IFI16: variants seen among roughly 807,000 people sequenced by gnomAD.
IFI16 encodes gamma-interferon-inducible protein 16.
IFI16 carries 49 observed loss-of-function variants against 68.4 expected under a neutral mutation model. The ratio of observed to expected loss-of-function variants is 0.72; its 90% confidence interval spans 0.57 to 0.91. IFI16 has a LOEUF of 0.91. Ranked by LOEUF, IFI16 falls within the 40% of genes least tolerant of loss-of-function variation. The pLI, the probability that IFI16 is intolerant of heterozygous loss-of-function variation, is 0.00. For missense variants in IFI16, 878 were observed against 942.9 expected, an observed-to-expected ratio of 0.93 and a Z score of 0.90; for synonymous variants, 307 against 315.0, an observed-to-expected ratio of 0.97 and a Z score of 0.27.
At chr1:159,018,762 C>T (rs2101824637) in intron 5 of IFI16, 111 bp downstream of exon 5, 3 of 755,978 alleles carry the variant, frequency 4.0e-6, no homozygotes, top group South Asian at 3.6e-5. Flanking sequence ...ATCCAGGACT[C>T]TGAAGACTAA....
chr1:159,023,134 G>A (rs901811772), intron 6 of IFI16, among the ~76,000 whole-genome samples: 37 of 151,946 alleles, frequency 2.4e-4, no homozygotes, highest in Non-Finnish European at 5.9e-5. Flanking sequence ...TTTATCCGCT[G>A]AACCAATGTT....
intron 11 of IFI16, 117 bp from the exon 12 acceptor site, chr1:159,054,704 A>G (rs1655571564): frequency 1.8e-6 from 1 of 559,354 alleles, no homozygotes; most frequent in Non-Finnish European, 3.3e-6. Context: ...AGAATCATTT[A>G]GAAAGGAATA....
upstream of IFI16, among the ~76,000 whole-genome samples, chr1:159,006,235 G>A (rs1231507971): frequency 6.6e-6 from 1 of 152,092 alleles, no homozygotes; most frequent in Admixed American, 6.5e-5. Flanking sequence ...AAATTCTCTC[G>A]GCCCCGAGGA....
At chr1:159,045,155 A>T (rs922359659) in intron 7 of IFI16, 142 bp from the exon 8 acceptor site, 12 of 568,102 alleles carry the variant, frequency 2.1e-5, no homozygotes, top group African/African-American at 5.7e-5. Context: ...ATGTGGTATT[A>T]TTCCTCCTGC....
intron 11 of IFI16, among the ~76,000 whole-genome samples, chr1:159,053,940 C>T (rs1655519426): frequency 6.6e-6 from 1 of 152,094 alleles, no homozygotes; most frequent in Non-Finnish European, 1.5e-5. Flanking sequence ...GGCCATGATA[C>T]CTAAGTTAAA....
upstream of IFI16, among the ~76,000 whole-genome samples, chr1:159,007,538 TA>T (rs1652304342): frequency 1.3e-5 from 2 of 152,248 alleles, no homozygotes; most frequent in Admixed American, 1.3e-4. Context: ...TTTTAGAAAA[TA>T]GCTTCAATTA....
chr1:159,004,701 A>C (rs1440558564), upstream of IFI16, among the ~76,000 whole-genome samples: 2 of 152,184 alleles, frequency 1.3e-5, no homozygotes, highest in Admixed American at 6.5e-5. Flanking sequence ...AAAAGAAAAA[A>C]AATTCCCAAA....
At chr1:159,054,647 A>T (rs565140982) in intron 11 of IFI16, among the ~76,000 whole-genome samples, 174 bp from the exon 12 acceptor site, 18 of 152,290 alleles carry the variant, frequency 1.2e-4, no homozygotes, top group Non-Finnish European at 2.1e-4. Context: ...GAGAGGCATG[A>T]CTCAAAGGTC....
upstream of IFI16, among the ~76,000 whole-genome samples, chr1:159,001,125 T>G (rs1221422374): frequency 6.6e-6 from 1 of 152,220 alleles, no homozygotes; most frequent in Non-Finnish European, 1.5e-5. Flanking sequence ...GCAATGTATA[T>G]AATTCAGAAT....
intron 6 of IFI16, among the ~76,000 whole-genome samples, chr1:159,030,027 A>G (rs1653906934): frequency 6.6e-6 from 1 of 151,940 alleles, no homozygotes; most frequent in Non-Finnish European, 1.5e-5. Context: ...TGTCAGATTG[A>G]GTTAATTCAC....
chr1:159,038,649 A>C (rs1390449206), intron 7 of IFI16, among the ~76,000 whole-genome samples: 4 of 152,190 alleles, frequency 2.6e-5, no homozygotes, highest in Admixed American at 1.3e-4. Flanking sequence ...TTACATGCAC[A>C]AGCCACTGCA....
chr1:159,034,348 C>T (rs1417801), intron 7 of IFI16, among the ~76,000 whole-genome samples: 150,365 of 152,316 alleles, frequency 0.99, 74,245 homozygotes, highest in East Asian at 1. Context: ...TTGATATTTA[C>T]AAGGTATGCG....
chr1:159,032,727 C>T, intron 7 of IFI16, 36 bp downstream of exon 7: 1 of 1,510,396 alleles, frequency 6.6e-7, no homozygotes. Flanking sequence ...CATGTCTCCC[C>T]ACCATAATTT....
chr1:159,013,268 A>C (rs1255200268), intron 1 of IFI16, among the ~76,000 whole-genome samples: 1 of 146,642 alleles, frequency 6.8e-6, no homozygotes, highest in Non-Finnish European at 1.5e-5. Flanking sequence ...TCCTGGGTTC[A>C]AGCAATTCTC....
At position 159,016,668 on chromosome 1, in the gene IFI16, T is replaced by C. The variant is rs372713655; in HGVS notation, c.517T>C (p.Leu173=). 7.4e-6 allele frequency: 12 copies of C among 1,614,016 alleles called. No individual in the cohort carries two copies. The Middle Eastern group carries it at 8.3e-4, about 111-fold the overall frequency. The change falls in exon 4 of 12, where the codon TTG becomes CTG. Residue 173 remains leucine (L), a synonymous_variant. Transcript: ENST00000295809. ...CCGTTCCCCATCTCCCAAGACCTCA[T>C]TGTCAGCTCCACCCAACAGTTCTTC... ...MGRSPSPKTS[L]SAPPNSSSTE...
At position 159,045,377 on chromosome 1, in the gene IFI16, G is replaced by A. The variant is rs199769901; in HGVS notation, c.1410G>A (p.Pro470=). The change falls in exon 8 of 12, where the codon CCG becomes CCA. Residue 470 remains proline (P), a synonymous_variant. Transcript: ENST00000295809. ...AGGAAGGGAGTCATTTTCCAGGACC[G>A]TTCATGACCAGCATAGGCCCAGCTG... The part of the protein sequence containing the change: ...ILKEGSHFPG[P]FMTSIGPAES... 1,085 of 1,583,004 alleles carry A rather than the reference G, an allele frequency of 6.9e-4. 9 individuals are homozygous for A. The African/African-American group carries it at 0.013, about 19-fold the overall frequency.
chr1:159,018,010 G>T (rs78431319), intron 4 of IFI16, among the ~76,000 whole-genome samples: 2,221 of 152,306 alleles, frequency 0.015, 44 homozygotes, highest in African/African-American at 0.05. Context: ...TTACAGAAAG[G>T]TCATCTTTTC....
intron 4 of IFI16, 86 bp downstream of exon 4, chr1:159,016,786 G>C (rs1056112314): frequency 3.3e-6 from 4 of 1,217,262 alleles, no homozygotes; most frequent in Non-Finnish European, 4.7e-6. Flanking sequence ...AAATTGCATC[G>C]ATAATTTGCT....
upstream of IFI16, among the ~76,000 whole-genome samples, chr1:159,004,453 C>G (rs1429811589): frequency 1.3e-5 from 2 of 152,116 alleles, no homozygotes; most frequent in Non-Finnish European, 2.9e-5. Flanking sequence ...GCCTCTAATC[C>G]CAGCACTTTG....
Sources: gnomAD v4.1 joint callset for allele counts (sites outside exome capture counted in the v4.1 genomes callset) on GRCh38, gnomAD v4.1.1 for gene constraint, MANE v1.5 for transcripts, NCBI Gene and HGNC (gene_info 2026-07-23, HGNC 2026-07-21) for gene names.